The following HTT variants were observed in gnomAD, a reference collection of about 807,000 sequenced individuals.
The protein encoded by HTT is huntingtin, also known as huntington disease protein.
HTT carries 104 observed loss-of-function variants against 362.3 expected under a neutral mutation model. That is an observed-to-expected ratio of 0.29 (90% CI 0.24 to 0.34). The LOEUF is 0.34. HTT is among the 10% of genes least tolerant of loss of function. HTT has a pLI of 1.00. For synonymous variants in HTT, 1,577 were observed against 1,548.7 expected (o/e 1.02, Z -0.43); for missense variants, 3,301 against 3,928.6 (o/e 0.84, Z 4.27).
intron 8 of HTT, among the ~76,000 whole-genome samples, chr4:3,116,733 G>A (rs1405809785): frequency 1.3e-5 from 2 of 152,116 alleles, no homozygotes; most frequent in South Asian, 2.1e-4. Flanking sequence ...TTGGGGTGTC[G>A]GAACAAAATG....
chr4:3,190,942 G>A (rs1360181445), intron 40 of HTT, among the ~76,000 whole-genome samples: 1 of 152,196 alleles, frequency 6.6e-6, no homozygotes, highest in East Asian at 1.9e-4. Context: ...ACAGCAAACA[G>A]CATTAAGTCA....
At position 3,240,027 on chromosome 4, in the gene HTT, T is replaced by C. The variant is rs1159877588; in HGVS notation, c.9397T>C (p.Leu3133=). The C allele has an allele frequency of 1.3e-6, 2 of 1,598,170 alleles. No homozygotes were observed. The highest frequency in any genetic ancestry group is 1.7e-6 in the Non-Finnish European group (2 of 1,171,884). Residue 3133 remains leucine (L), a synonymous_variant, in exon 67 of 67, where the codon TTA becomes CTA. Transcript: ENST00000355072. ...CCCATATCACCGGCTGCTGACTTGT[T>C]TACGAAATGTCCACAAGGTCACCAC... ...GSPYHRLLTC[L]RNVHKVTTC
At chr4:3,173,873 A>G (rs1205100353) in intron 31 of HTT, among the ~76,000 whole-genome samples, 1 of 151,942 alleles carries the variant, frequency 6.6e-6, no homozygotes, top group Non-Finnish European at 1.5e-5. Flanking sequence ...GGGTTTCACC[A>G]TGTTAGCCAG....
chr4:3,088,682 C>CT (rs1713343242), intron 2 of HTT, among the ~76,000 whole-genome samples: 1 of 151,984 alleles, frequency 6.6e-6, no homozygotes, highest in Non-Finnish European at 1.5e-5. Flanking sequence ...TACTTTCTGT[C>CT]TGTATGAGTG....
intron 37 of HTT, among the ~76,000 whole-genome samples, chr4:3,183,196 C>T (rs1177845179): frequency 6.6e-6 from 1 of 152,252 alleles, no homozygotes; most frequent in Admixed American, 6.5e-5. Flanking sequence ...CATCACTAAT[C>T]AGAATTTCTA....
At chr4:3,170,712 C>T (rs28403215) in intron 29 of HTT, among the ~76,000 whole-genome samples, 73,838 of 151,990 alleles carry the variant, frequency 0.49, 18,978 homozygotes, top group African/African-American at 0.65. Flanking sequence ...CTCAAAGCAG[C>T]GAGTTGGGGC....
At chr4:3,114,095 C>T (rs1460582329) in intron 6 of HTT, among the ~76,000 whole-genome samples, 1 of 152,176 alleles carries the variant, frequency 6.6e-6, no homozygotes, top group East Asian at 1.9e-4. Flanking sequence ...GTTAAATTAA[C>T]TAAAAGTATC....
chr4:3,090,587 A>G (rs1346590840), intron 2 of HTT, among the ~76,000 whole-genome samples: 3 of 152,236 alleles, frequency 2.0e-5, no homozygotes, highest in Non-Finnish European at 4.4e-5. Context: ...TAGCACCAAT[A>G]TATCGAACTC....
chr4:3,191,895 G>A (rs1719028168), intron 40 of HTT, among the ~76,000 whole-genome samples: 1 of 152,148 alleles, frequency 6.6e-6, no homozygotes, highest in Non-Finnish European at 1.5e-5. Context: ...TCTTTCAGTT[G>A]CAGGGATAAA....
chr4:3,123,104 C>T (rs1715366622), intron 10 of HTT, 168 bp downstream of exon 10: 1 of 453,518 alleles, frequency 2.2e-6, no homozygotes, highest in Non-Finnish European at 3.8e-6. Context: ...GATAACCAGG[C>T]CTGAATAGTT....
rs1387580305 is a variant in HTT at position 3,198,946 on chromosome 4, C to T, written c.5369-786C>T. Among the ~76,000 whole-genome samples, 4 of 152,252 alleles carry T rather than the reference C, an allele frequency of 2.6e-5. No individual in the cohort carries two copies. The East Asian group carries it at 7.7e-4, about 29-fold the overall frequency. ...GGACCGCAGGGGGGTCCTGCTTTCT[C>T]ACCTGGCCTCCTTCAGCATTTCTGT... On this transcript the variant is annotated intron_variant, in intron 40 of 66. Coordinates refer to ENST00000355072, the MANE Select transcript of HTT (RefSeq NM_001388492.1).
chr4:3,111,376 T>G (rs1451978924), intron 6 of HTT, among the ~76,000 whole-genome samples: 1 of 152,084 alleles, frequency 6.6e-6, no homozygotes, highest in African/African-American at 2.4e-5. Flanking sequence ...GTATTTTTAG[T>G]AGAGCCAGAG....
intron 23 of HTT, 45 bp from the exon 24 acceptor site, chr4:3,145,107 C>T: frequency 1.5e-6 from 2 of 1,359,184 alleles, no homozygotes; most frequent in South Asian, 2.3e-5. Context: ...ATTCAATAAA[C>T]CTTTGTGGTG....
At chr4:3,109,014 A>G (rs921145569) in intron 6 of HTT, among the ~76,000 whole-genome samples, 3 of 151,892 alleles carry the variant, frequency 2.0e-5, no homozygotes, top group African/African-American at 7.3e-5. Flanking sequence ...TGATTGTGCC[A>G]CCACACTCCA....
intron 40 of HTT, among the ~76,000 whole-genome samples, chr4:3,192,404 G>A (rs1307584187): frequency 6.6e-6 from 1 of 152,192 alleles, no homozygotes; most frequent in African/African-American, 2.4e-5. Context: ...TGTTAGTTTT[G>A]TTCTCTGGTG....
chr4:3,130,922 A>T (rs363083), intron 14 of HTT, among the ~76,000 whole-genome samples: 1 of 152,084 alleles, frequency 6.6e-6, no homozygotes, highest in Non-Finnish European at 1.5e-5. Context: ...GGGCTTCCCC[A>T]GGCTGTTGCC....
chr4:3,138,969 C>T (rs1201491608), intron 21 of HTT, among the ~76,000 whole-genome samples: 1 of 152,046 alleles, frequency 6.6e-6, no homozygotes, highest in Non-Finnish European at 1.5e-5. Context: ...GTTTAATGAA[C>T]AGAATTTAAG....
At chr4:3,099,482 G>C in intron 3 of HTT, 88 bp downstream of exon 3, 1 of 1,575,002 alleles carries the variant, frequency 6.3e-7, no homozygotes, top group Non-Finnish European at 8.6e-7. Context: ...CTTCTGTTTT[G>C]AGTCCCTGAG....
rs76385976 is a variant in HTT, at chr4:3,210,023, C to G, written c.6414+74C>G. ...TTCCAAGTGGGATTTGTCTCATCAT[C>G]ATGTGACCCACTTGTTGACAACACA... On this transcript the variant is annotated intron_variant, in intron 47 of 66. Coordinates refer to ENST00000355072, the MANE Select transcript of HTT (RefSeq NM_001388492.1). 5 of 1,555,814 alleles carry G rather than the reference C, an allele frequency of 3.2e-6. No homozygotes were observed. The African/African-American group carries it at 6.8e-5, about 21-fold the overall frequency.
Sources: gnomAD v4.1 joint callset for allele counts (sites outside exome capture counted in the v4.1 genomes callset) on GRCh38, gnomAD v4.1.1 for gene constraint, MANE v1.5 for transcripts, NCBI Gene and HGNC (gene_info 2026-07-23, HGNC 2026-07-21) for gene names.